Variants in PACSIN2 observed in about 807,000 individuals in gnomAD.
The protein encoded by PACSIN2 is protein kinase C and casein kinase substrate in neurons 2, also known as protein kinase C and casein kinase substrate in neurons protein 2.
PACSIN2 carries 25 observed loss-of-function variants against 63.8 expected under a neutral mutation model. The ratio of observed to expected loss-of-function variants is 0.39; its 90% CI spans 0.29 to 0.55. The LOEUF (loss-of-function observed/expected upper bound fraction) is 0.55. Among genes scored for constraint, PACSIN2 ranks in the 20% least tolerant of loss-of-function variants. The pLI is 0.62. For synonymous variants in PACSIN2, 255 were observed against 256.2 expected (o/e 1.00, Z 0.05); for missense variants, 518 against 646.9 (o/e 0.80, Z 2.16).
intron 1 of PACSIN2, among the ~76,000 whole-genome samples, chr22:42,972,346 G>C (rs959629064): frequency 2.0e-5 from 3 of 152,134 alleles, no homozygotes; most frequent in African/African-American, 7.2e-5. Context: ...CTAAGCTCCA[G>C]TACCCAGGGA....
At chr22:42,910,050 G>A (rs1931345697) in intron 2 of PACSIN2, among the ~76,000 whole-genome samples, 1 of 152,248 alleles carries the variant, frequency 6.6e-6, no homozygotes, top group South Asian at 2.1e-4. Context: ...TATAGATTGG[G>A]AAATGAAGGC....
intron 1 of PACSIN2, among the ~76,000 whole-genome samples, chr22:42,980,512 C>T (rs2146883215): frequency 6.9e-6 from 1 of 144,130 alleles, no homozygotes; most frequent in Admixed American, 6.9e-5. Context: ...CTCCCTCTCC[C>T]TCCACGGTCT....
At chr22:42,876,076 A>AC (rs1221646455) in intron 10 of PACSIN2, 61 bp downstream of exon 10, 3 of 1,443,174 alleles carry the variant, frequency 2.1e-6, no homozygotes, top group Middle Eastern at 2.1e-4. Context: ...AACAAAAAAG[A>AC]CCGCCCACAG....
chr22:42,922,143 A>C (rs993610382), intron 1 of PACSIN2, among the ~76,000 whole-genome samples: 1 of 152,214 alleles, frequency 6.6e-6, no homozygotes, highest in Non-Finnish European at 1.5e-5. Flanking sequence ...CAATGTATGT[A>C]AGTACAGTGA....
intron 1 of PACSIN2, among the ~76,000 whole-genome samples, chr22:42,970,934 C>T (rs930522168): frequency 2.6e-5 from 4 of 152,188 alleles, no homozygotes; most frequent in Admixed American, 1.3e-4. Context: ...AGGCTCCCTG[C>T]ACCACCCTGC....
intron 1 of PACSIN2, among the ~76,000 whole-genome samples, chr22:42,939,017 C>T (rs1254652471): frequency 6.6e-6 from 1 of 152,198 alleles, no homozygotes; most frequent in African/African-American, 2.4e-5. Flanking sequence ...ACCGCTTGCT[C>T]CAGCTGACAA....
At chr22:42,872,846 G>A (rs1928270225) in intron 10 of PACSIN2, among the ~76,000 whole-genome samples, 1 of 152,276 alleles carries the variant, frequency 6.6e-6, no homozygotes. Flanking sequence ...AGAGGCATCA[G>A]GAGCAGATGC....
At chr22:42,936,722 C>T (rs1226339697) in intron 1 of PACSIN2, among the ~76,000 whole-genome samples, 2 of 152,086 alleles carry the variant, frequency 1.3e-5, no homozygotes, top group Non-Finnish European at 2.9e-5. Context: ...ACCAGCCTGG[C>T]CAACATGGTG....
chr22:42,999,668 C>CA lies in PACSIN2; in HGVS notation c.-78+15352dup, dbSNP rs575750340. Among the ~76,000 whole-genome samples the CA allele has an allele frequency of 2.0e-3, 287 of 146,466 alleles. 2 individuals are homozygous for CA. Among genetic ancestry groups the CA allele is most frequent in the African/African-American group, 6.1e-3 (244 of 40,284 alleles). The stretch of plus-strand genomic sequence containing the variant: ...GGGCAACAAGAATGAAACTCCATCT[C>CA]AAAAAAAAAAATGCTGTCTACAGAC... On this transcript the variant is annotated intron_variant, in intron 1 of 10. Transcript: ENST00000263246.
At chr22:42,965,009 T>G (rs1920941087) in intron 1 of PACSIN2, among the ~76,000 whole-genome samples, 1 of 152,238 alleles carries the variant, frequency 6.6e-6, no homozygotes, top group African/African-American at 2.4e-5. Flanking sequence ...CACACACTCC[T>G]GTAGCACCTA....
At chr22:42,957,641 T>G (rs981759258) in intron 1 of PACSIN2, among the ~76,000 whole-genome samples, 1 of 152,206 alleles carries the variant, frequency 6.6e-6, no homozygotes, top group Non-Finnish European at 1.5e-5. Flanking sequence ...TATATTATGT[T>G]GTATTATTTT....
chr22:42,885,723 C>T (rs532791712), intron 5 of PACSIN2, among the ~76,000 whole-genome samples: 4 of 152,126 alleles, frequency 2.6e-5, no homozygotes, highest in East Asian at 1.9e-4. Flanking sequence ...GGTTCCACCC[C>T]GCCCTCTAGG....
At chr22:42,974,052 C>G (rs1268572127) in intron 1 of PACSIN2, among the ~76,000 whole-genome samples, 1 of 152,184 alleles carries the variant, frequency 6.6e-6, no homozygotes, top group African/African-American at 2.4e-5. Context: ...TAAAAAGGAC[C>G]AGCATCTCCC....
At chr22:42,928,866 C>A (rs1017550416) in intron 1 of PACSIN2, among the ~76,000 whole-genome samples, 2 of 152,194 alleles carry the variant, frequency 1.3e-5, no homozygotes, top group African/African-American at 4.8e-5. Context: ...AGCCTCATCC[C>A]AAATTTGCCA....
intron 1 of PACSIN2, among the ~76,000 whole-genome samples, chr22:42,935,071 G>A (rs1407810619): frequency 2.4e-4 from 36 of 151,108 alleles, no homozygotes; most frequent in Non-Finnish European, 3.0e-4. Flanking sequence ...GCCCGCCACC[G>A]CGCCCGGCTA....
chr22:42,962,035 G>A (rs1033897043), intron 1 of PACSIN2, among the ~76,000 whole-genome samples: 2 of 152,138 alleles, frequency 1.3e-5, no homozygotes, highest in East Asian at 1.9e-4. Context: ...CAGCTGGCAA[G>A]CACTCACTCC....
intron 1 of PACSIN2, among the ~76,000 whole-genome samples, chr22:42,990,834 T>G (rs953406937): frequency 2.0e-5 from 3 of 152,176 alleles, no homozygotes; most frequent in Admixed American, 2.0e-4. Context: ...ACCACTCTAT[T>G]TGGCTCAAGA....
intron 4 of PACSIN2, among the ~76,000 whole-genome samples, chr22:42,889,180 GACATGGAACACGC>G (rs941861181): frequency 3.3e-5 from 5 of 152,002 alleles, no homozygotes; most frequent in Admixed American, 6.5e-5. Context: ...CCACTGAGAT[GACATGGAACACGC>G]ACATGGAGCA....
At chr22:42,987,527 A>ATTTTTTTTTT (rs1922716379) in intron 1 of PACSIN2, among the ~76,000 whole-genome samples, 6 of 34,804 alleles carry the variant, frequency 1.7e-4, no homozygotes, top group Non-Finnish European at 2.5e-4. Context: ...GGGCACATTC[A>ATTTTTTTTTT]TTCTTTTTTT....
Sources: gnomAD v4.1 joint callset for allele counts (sites outside exome capture counted in the v4.1 genomes callset) on GRCh38, gnomAD v4.1.1 for gene constraint, MANE v1.5 for transcripts, NCBI Gene and HGNC (gene_info 2026-07-23, HGNC 2026-07-21) for gene names.